The following CACNA1C variants were observed in gnomAD, a reference collection of about 807,000 sequenced individuals.
CACNA1C encodes voltage-dependent L-type calcium channel subunit alpha-1C.
Under a neutral mutation model 229.0 loss-of-function variants are expected in CACNA1C, and 30 were observed. That is an observed-to-expected ratio of 0.13 (90% CI 0.10 to 0.18). The LOEUF (loss-of-function observed/expected upper bound fraction) is 0.18. Among genes scored for constraint, CACNA1C ranks in the 10% least tolerant of loss-of-function variants. The probability of loss-of-function intolerance (pLI) is 1.00; values close to 1 mark genes in which losing one functional copy is unlikely to be tolerated. For synonymous variants in CACNA1C, 1,114 were observed against 1,132.5 expected (o/e 0.98, Z 0.33); for missense variants, 1,658 against 2,845.0 (o/e 0.58, Z 9.49).
At chr12:1,986,885 T>C (rs765575409) in intron 1 of CACNA1C, among the ~76,000 whole-genome samples, 1 of 152,182 alleles carries the variant, frequency 6.6e-6, no homozygotes, top group Non-Finnish European at 1.5e-5. Flanking sequence ...GTGGGAGAGA[T>C]ATACTGTAGT....
rs760982440 is a variant in CACNA1C, at chr12:2,651,596, C to T, written c.3946-44C>T. On this transcript the variant is annotated intron_variant, in intron 31 of 46. Coordinates refer to ENST00000399655, the MANE Select transcript of CACNA1C (RefSeq NM_000719.7). The surrounding 1 kb of genome is among the most constrained non-coding windows in gnomAD (Gnocchi z 5.4). ...GAGGGGCCCTCCTGTTCTCACCCCC[C>T]TCTTGCTGTGCTAACTGCACCTCCT... 47 of 1,613,776 alleles carry T rather than the reference C, an allele frequency of 2.9e-5. No individual in the cohort carries two copies. Among genetic ancestry groups the T allele is most frequent in the South Asian group, 2.2e-4 (20 of 91,076 alleles).
intron 3 of CACNA1C, among the ~76,000 whole-genome samples, chr12:2,237,999 T>C (rs1566596748): frequency 6.6e-6 from 1 of 152,148 alleles, no homozygotes; most frequent in South Asian, 2.1e-4. Flanking sequence ...ATAAATGCAG[T>C]TTTGATTGCT....
At position 2,646,139 on chromosome 12, in the gene CACNA1C, A is replaced by G. The variant is rs946492051; in HGVS notation, c.3913-2336A>G. On this transcript the variant is annotated intron_variant, in intron 30 of 46. Transcript: ENST00000399655. This position sits in a 1 kb window ranked among gnomAD's most constrained non-coding sequence, Gnocchi z 4.6. ...CCAAAGTCAAGTCTTGAAGTGAAATATGACTTAAATAAATGAGGTCTTAAA... is the reference window on the plus strand; with the variant it reads ...CCAAAGTCAAGTCTTGAAGTGAAATGTGACTTAAATAAATGAGGTCTTAAA... Among the ~76,000 whole-genome samples the G allele has an allele frequency of 1.3e-5, 2 of 152,276 alleles. No individual in the cohort carries two copies. Among genetic ancestry groups the G allele is most frequent in the Admixed American group, 1.3e-4 (2 of 15,292 alleles).
chr12:2,079,341 A>T (rs1210618534), intron 1 of CACNA1C, among the ~76,000 whole-genome samples: 2 of 152,226 alleles, frequency 1.3e-5, no homozygotes, highest in Admixed American at 1.3e-4. Context: ...ATAACAATTT[A>T]CCATAGACTG....
intron 1 of CACNA1C, among the ~76,000 whole-genome samples, chr12:2,080,316 A>T (rs1280179731): frequency 1.3e-5 from 2 of 151,864 alleles, no homozygotes; most frequent in Non-Finnish European, 2.9e-5. Context: ...TAAATCAAAG[A>T]GATGGCCGGG....
chr12:2,336,757 A>G (rs992368090), intron 3 of CACNA1C, among the ~76,000 whole-genome samples: 2 of 152,120 alleles, frequency 1.3e-5, no homozygotes, highest in Non-Finnish European at 2.9e-5. Flanking sequence ...GGGGCCCTCT[A>G]AGGCATCTGG....
At chr12:2,386,982 C>T (rs967191798) in intron 3 of CACNA1C, among the ~76,000 whole-genome samples, 4 of 152,210 alleles carry the variant, frequency 2.6e-5, no homozygotes, top group South Asian at 2.1e-4. Context: ...TGCTGCTAGA[C>T]GTGGTGTGAA....
At chr12:2,283,983 C>A (rs2092118463) in intron 3 of CACNA1C, among the ~76,000 whole-genome samples, 1 of 152,192 alleles carries the variant, frequency 6.6e-6, no homozygotes, top group Admixed American at 6.5e-5. Context: ...GAGATCTCAT[C>A]CCTGGCTTCC....
chr12:2,685,679 C>G (rs1464536050), intron 43 of CACNA1C, 57 bp from the exon 44 acceptor site: 172 of 1,311,930 alleles, frequency 1.3e-4, no homozygotes, highest in Non-Finnish European at 1.8e-4. Context: ...GCAGCTGTCC[C>G]TGTGGGTGGC....
At chr12:2,309,523 CTG>C (rs1469712196) in intron 3 of CACNA1C, among the ~76,000 whole-genome samples, 5 of 152,098 alleles carry the variant, frequency 3.3e-5, no homozygotes, top group South Asian at 2.1e-4. Context: ...ACAGAGGGAA[CTG>C]TGTTATTCAG....
At chr12:2,564,163 A>C (rs2049012653) in intron 11 of CACNA1C, among the ~76,000 whole-genome samples, 2 of 152,218 alleles carry the variant, frequency 1.3e-5, no homozygotes, top group Admixed American at 1.3e-4. Flanking sequence ...CACCGGAAAC[A>C]AAGTTTTATG....
intron 14 of CACNA1C, 23 bp from the exon 15 acceptor site, chr12:2,582,799 A>G (rs2061023401): frequency 1.2e-6 from 2 of 1,612,858 alleles, no homozygotes; most frequent in African/African-American, 1.3e-5. Context: ...TGTGTCCCTT[A>G]TTGGTGGGAA....
intron 13 of CACNA1C, among the ~76,000 whole-genome samples, chr12:2,574,133 T>C (rs904796560): frequency 6.6e-6 from 1 of 152,206 alleles, no homozygotes; most frequent in African/African-American, 2.4e-5. Flanking sequence ...AATTACTTTA[T>C]AGAAAAGATT....
rs376375732 is a variant in CACNA1C, at chr12:2,093,485, G to A, written c.50-21739G>A. Among the ~76,000 whole-genome samples the A allele has an allele frequency of 2.5e-4, 38 of 152,366 alleles. No individual in the cohort carries two copies. In the South Asian group the frequency reaches 7.5e-3, roughly 30 times the overall value. On this transcript the variant is annotated intron_variant, in intron 1 of 46. Coordinates refer to ENST00000399655, the MANE Select transcript of CACNA1C (RefSeq NM_000719.7). The stretch of plus-strand genomic sequence containing the variant: ...AGTGACCAAGGCCATGAGCTGCACA[G>A]ATGGAAGTGGGTATGCTTTGTGCCT...
At chr12:2,487,930 A>G (rs1333625085) in intron 6 of CACNA1C, among the ~76,000 whole-genome samples, 1 of 152,200 alleles carries the variant, frequency 6.6e-6, no homozygotes, top group Non-Finnish European at 1.5e-5. Flanking sequence ...TGACTGTGGT[A>G]TGTCTGAAGT....
intron 12 of CACNA1C, among the ~76,000 whole-genome samples, chr12:2,567,270 T>G (rs2051587001): frequency 6.6e-6 from 1 of 152,168 alleles, no homozygotes; most frequent in Admixed American, 6.5e-5. Flanking sequence ...CTTTCTCATC[T>G]CTGAAAATGG....
At chr12:2,551,684 T>C (rs1235874545) in intron 10 of CACNA1C, among the ~76,000 whole-genome samples, 1 of 152,040 alleles carries the variant, frequency 6.6e-6, no homozygotes, top group Admixed American at 6.6e-5. Flanking sequence ...TCTCATGTAA[T>C]GAGATTAGGT....
intron 42 of CACNA1C, 65 bp from the exon 43 acceptor site, chr12:2,682,485 C>T (rs573513448): frequency 2.7e-4 from 420 of 1,579,302 alleles, no homozygotes; most frequent in Non-Finnish European, 3.3e-4. Flanking sequence ...TGATGCTTTA[C>T]TTGCTGAAGG....
chr12:2,310,352 A>AAATATAT (rs201363709), intron 3 of CACNA1C, among the ~76,000 whole-genome samples: 4,844 of 139,642 alleles, frequency 0.035, 110 homozygotes, highest in South Asian at 0.05. Context: ...TAAAAAAAAA[A>AAATATAT]ATATATATAT....
Sources: gnomAD v4.1 joint callset for allele counts (sites outside exome capture counted in the v4.1 genomes callset) on GRCh38, gnomAD v4.1.1 for gene constraint, Gnocchi (gnomAD v3.1) non-coding constraint, MANE v1.5 for transcripts, NCBI Gene and HGNC (gene_info 2026-07-23, HGNC 2026-07-21) for gene names.